The following STAM2 variants were observed in gnomAD, a reference collection of about 807,000 sequenced individuals.
STAM2 encodes the protein signal transducing adaptor molecule 2, also known as signal transducing adapter molecule 2.
STAM2 carries 51 observed loss-of-function variants against 65.6 expected under a neutral mutation model. The ratio of observed to expected loss-of-function variants is 0.78; its 90% confidence interval spans 0.62 to 0.98. STAM2 has a LOEUF of 0.98. Among genes scored for constraint, STAM2 ranks in the 50% least tolerant of loss-of-function variants. The probability of loss-of-function intolerance (pLI) is 0.00; values close to 1 mark genes in which losing one functional copy is unlikely to be tolerated. For missense variants in STAM2, 584 were observed against 617.8 expected (o/e 0.95, Z 0.58); for synonymous variants, 198 against 208.4 (o/e 0.95, Z 0.43).
intron 1 of STAM2, among the ~76,000 whole-genome samples, chr2:152,171,621 T>G (rs144110025): frequency 2.5e-4 from 38 of 152,350 alleles, no homozygotes; most frequent in African/African-American, 8.9e-4. Flanking sequence ...AGCTACTTCC[T>G]GGTCAACTTC....
chr2:152,143,912 C>G lies in STAM2; in HGVS notation c.619G>C (p.Val207Leu). 6.2e-7 allele frequency: 1 copy of G among 1,613,812 alleles called. No homozygotes were observed. Among genetic ancestry groups the G allele is most frequent in the Non-Finnish European group, 8.5e-7 (1 of 1,179,844 alleles). The change falls in exon 7 of 14, where the codon GTG becomes CTG. Residue 207 changes from valine to leucine, a missense_variant. Transcript: ENST00000263904. ...IQLNNKVARK[V>L]RALYDFEAVE... ...GCTTCAAAATCATATAAAGCTCTCACTTTCCGTGCAACCTTATTATTTAAC... is the reference window on the plus strand; with the variant it reads ...GCTTCAAAATCATATAAAGCTCTCAGTTTCCGTGCAACCTTATTATTTAAC...
chr2:152,174,747 G>A (rs1689978251), intron 1 of STAM2, among the ~76,000 whole-genome samples: 1 of 152,180 alleles, frequency 6.6e-6, no homozygotes, highest in Admixed American at 6.5e-5. Context: ...AAGGGGAAAC[G>A]GAGGTGGAGG....
At chr2:152,160,689 G>T (rs1689653051) in intron 1 of STAM2, among the ~76,000 whole-genome samples, 1 of 149,626 alleles carries the variant, frequency 6.7e-6, no homozygotes, top group Non-Finnish European at 1.5e-5. Context: ...CCCCGTCCGG[G>T]AGGGAGGTGG....
At chr2:152,137,265 G>C (rs906668058) in intron 7 of STAM2, among the ~76,000 whole-genome samples, 3 of 151,862 alleles carry the variant, frequency 2.0e-5, no homozygotes, top group Non-Finnish European at 4.4e-5. Context: ...CCTCCCCCCG[G>C]TTGCATGTAA....
At chr2:152,162,013 G>A (rs1432902815) in intron 1 of STAM2, among the ~76,000 whole-genome samples, 1 of 151,870 alleles carries the variant, frequency 6.6e-6, no homozygotes, top group Non-Finnish European at 1.5e-5. Flanking sequence ...GTAGAGATGG[G>A]GTTTCACCAT....
In STAM2 at chr2:152,150,550, C is replaced by A. The variant is rs560945690; in HGVS notation, c.41-321G>T. Among the ~76,000 whole-genome samples, 11 of 152,318 alleles carry A rather than the reference C, an allele frequency of 7.2e-5. No homozygotes were observed. In the East Asian group the frequency reaches 2.1e-3, roughly 29 times the overall value. ...GGGCATGGTGGCTCATGCCTGTAAT[C>A]CCAGGCATGGGAGGCCAAGGCAGGA... is the stretch of plus-strand genomic sequence containing the variant. On this transcript the variant is annotated intron_variant, in intron 1 of 13. Coordinates refer to ENST00000263904, the MANE Select transcript of STAM2 (RefSeq NM_005843.6).
At chr2:152,133,353 C>T (rs1689097741) in intron 9 of STAM2, 49 bp downstream of exon 9, 14 of 1,543,642 alleles carry the variant, frequency 9.1e-6, no homozygotes, top group African/African-American at 1.4e-5. Flanking sequence ...AAAGATAGTA[C>T]ATTTAAATGT....
At chr2:152,175,062 C>G (rs1472822237) in intron 1 of STAM2, among the ~76,000 whole-genome samples, 1 of 152,176 alleles carries the variant, frequency 6.6e-6, no homozygotes, top group Non-Finnish European at 1.5e-5. Flanking sequence ...AGAGCAACAC[C>G]TTTACAATTG....
intron 1 of STAM2, among the ~76,000 whole-genome samples, chr2:152,170,622 A>G (rs751422774): frequency 2.6e-5 from 4 of 152,242 alleles, no homozygotes; most frequent in Non-Finnish European, 5.9e-5. Flanking sequence ...ATGCATATTC[A>G]TATAGTAGTA....
At chr2:152,164,041 C>T (rs1399294414) in intron 1 of STAM2, among the ~76,000 whole-genome samples, 2 of 151,946 alleles carry the variant, frequency 1.3e-5, no homozygotes, top group Non-Finnish European at 2.9e-5. Flanking sequence ...TGACCTACTC[C>T]CTGTTCGTAC....
At chr2:152,127,728 G>A (rs894631223) in intron 11 of STAM2, among the ~76,000 whole-genome samples, 1 of 152,114 alleles carries the variant, frequency 6.6e-6, no homozygotes, top group African/African-American at 2.4e-5. Context: ...GCTTTATTAT[G>A]TAATAACAAC....
chr2:152,167,720 C>T (rs1689813060), intron 1 of STAM2, among the ~76,000 whole-genome samples: 1 of 128,262 alleles, frequency 7.8e-6, no homozygotes. Flanking sequence ...CATGGTGAAA[C>T]CTCATTTCTA....
intron 2 of STAM2, among the ~76,000 whole-genome samples, chr2:152,148,823 TAA>T (rs1462547054): frequency 1.3e-5 from 2 of 151,836 alleles, no homozygotes; most frequent in African/African-American, 4.8e-5. Flanking sequence ...ATTCCAAAAT[TAA>T]GAGACAAACC....
chr2:152,137,581 T>C (rs1689179184), intron 7 of STAM2, among the ~76,000 whole-genome samples: 1 of 152,184 alleles, frequency 6.6e-6, no homozygotes, highest in African/African-American at 2.4e-5. Flanking sequence ...TTTCAGCATA[T>C]GTTTATGGTT....
intron 9 of STAM2, 22 bp downstream of exon 9, chr2:152,133,380 T>C: frequency 6.3e-7 from 1 of 1,591,544 alleles, no homozygotes; most frequent in South Asian, 1.1e-5. Flanking sequence ...AGTTTAACTA[T>C]TAAACAAAAG....
intron 1 of STAM2, among the ~76,000 whole-genome samples, chr2:152,163,406 T>A (rs990712920): frequency 6.6e-6 from 1 of 152,240 alleles, no homozygotes; most frequent in African/African-American, 2.4e-5. Flanking sequence ...CTTCGTAAGC[T>A]GAGAATGTAT....
intron 7 of STAM2, among the ~76,000 whole-genome samples, chr2:152,141,621 C>T (rs866818667): frequency 1.3e-5 from 2 of 151,692 alleles, no homozygotes; most frequent in Middle Eastern, 6.8e-3. Flanking sequence ...GACAGAGTCT[C>T]GCTCTGTCGC....
At chr2:152,171,815 C>A (rs1417929480) in intron 1 of STAM2, among the ~76,000 whole-genome samples, 3 of 152,138 alleles carry the variant, frequency 2.0e-5, no homozygotes, top group Non-Finnish European at 4.4e-5. Context: ...TTGAAAAGAG[C>A]AAACATTTAG....
At chr2:152,120,899 T>C in intron 13 of STAM2, 97 bp from the exon 14 acceptor site, 1 of 883,002 alleles carries the variant, frequency 1.1e-6, no homozygotes, top group South Asian at 1.5e-5. Context: ...CCATCTTCTT[T>C]TTAAGCTTAC....
Sources: gnomAD v4.1 joint callset for allele counts (sites outside exome capture counted in the v4.1 genomes callset) on GRCh38, gnomAD v4.1.1 for gene constraint, MANE v1.5 for transcripts, NCBI Gene and HGNC (gene_info 2026-07-23, HGNC 2026-07-21) for gene names.